Variants in RASA2 observed in about 807,000 individuals in gnomAD.
The protein encoded by RASA2 is RAS p21 protein activator 2.
A neutral mutation model predicts 118.2 loss-of-function variants in RASA2; 155 were observed. The ratio of observed to expected loss-of-function variants is 1.31; its 90% CI spans 1.15 to 1.50. The LOEUF is 1.50. RASA2 is among the 40% of genes most tolerant of loss of function. RASA2 has a pLI of 0.00. For synonymous variants in RASA2, 353 were observed against 349.1 expected, an observed-to-expected ratio of 1.01 and a Z score of -0.12; for missense variants, 1,016 against 1,009.6, an observed-to-expected ratio of 1.01 and a Z score of -0.09.
chr3:141,600,269 A>G, intron 19 of RASA2: 1 of 535,540 alleles, frequency 1.9e-6, no homozygotes, highest in South Asian at 1.4e-5. Context: ...GTATGTATTT[A>G]GTTTTCAGCC....
chr3:141,610,361 A>ATTATATATTTATAT (rs1173012419), intron 23 of RASA2, among the ~76,000 whole-genome samples: 1 of 121,488 alleles, frequency 8.2e-6, no homozygotes, highest in East Asian at 2.3e-4. Flanking sequence ...ATATTTATAT[A>ATTATATATTTATAT]TTATATATTT....
intron 22 of RASA2, 139 bp from the exon 23 acceptor site, chr3:141,609,738 G>A (rs1442324136): frequency 1.3e-5 from 10 of 795,480 alleles, no homozygotes; most frequent in African/African-American, 1.3e-4. Context: ...TAAATAAAAT[G>A]TATATATTTT....
chr3:141,543,879 T>TTC (rs1553789640), intron 5 of RASA2, among the ~76,000 whole-genome samples: 3 of 130,642 alleles, frequency 2.3e-5, no homozygotes, highest in Non-Finnish European at 4.6e-5. Context: ...CTTTTTTCTT[T>TTC]TTTTTTTTTT....
intron 19 of RASA2, among the ~76,000 whole-genome samples, chr3:141,587,805 A>C (rs1310652680): frequency 6.6e-6 from 1 of 152,020 alleles, no homozygotes; most frequent in Non-Finnish European, 1.5e-5. Flanking sequence ...ATGACAGATC[A>C]CATCTATATA....
intron 1 of RASA2, among the ~76,000 whole-genome samples, chr3:141,498,848 G>C (rs1420943820): frequency 1.3e-5 from 2 of 152,108 alleles, no homozygotes; most frequent in Admixed American, 1.3e-4. Flanking sequence ...GCTTCTTGTA[G>C]CTATAGGTAC....
At chr3:141,526,893 G>A (rs911119261) in intron 3 of RASA2, among the ~76,000 whole-genome samples, 2 of 152,210 alleles carry the variant, frequency 1.3e-5, no homozygotes, top group Admixed American at 6.5e-5. Flanking sequence ...CAGAATAGGA[G>A]GAAGAGGCTG....
intron 4 of RASA2, among the ~76,000 whole-genome samples, chr3:141,535,975 C>T (rs1577698073): frequency 2.0e-5 from 3 of 152,268 alleles, no homozygotes; most frequent in African/African-American, 7.2e-5. Flanking sequence ...ACAGTATCTT[C>T]TATATGGTAC....
chr3:141,488,733 G>A (rs11917587), intron 1 of RASA2, among the ~76,000 whole-genome samples: 81,544 of 151,888 alleles, frequency 0.54, 24,427 homozygotes, highest in African/African-American at 0.83. Flanking sequence ...GGAAAATTTT[G>A]TTTTCAACTT....
rs189081033 is a variant in RASA2 at position 141,520,848 on chromosome 3, T to C, written c.355+4417T>C. ...GGTTAGAGGCAGGAAGACCAACAGG[T>C]ATGCTGTTTTCAAATGAAATGAGTT... On this transcript the variant is annotated intron_variant, in intron 3 of 23. Coordinates refer to ENST00000286364, the MANE Select transcript of RASA2 (RefSeq NM_006506.5). Among the ~76,000 whole-genome samples the C allele has an allele frequency of 1.3e-3, 197 of 152,272 alleles. 1 individual carries two copies. Among genetic ancestry groups the C allele is most frequent in the South Asian group, 4.1e-4 (2 of 4,828 alleles).
intron 1 of RASA2, among the ~76,000 whole-genome samples, chr3:141,509,519 A>G (rs1277451135): frequency 1.3e-5 from 2 of 152,236 alleles, no homozygotes; most frequent in African/African-American, 2.4e-5. Context: ...GAGCATATTT[A>G]TTAAGTAGAA....
At chr3:141,533,334 T>C (rs935165179) in intron 4 of RASA2, among the ~76,000 whole-genome samples, 2 of 152,204 alleles carry the variant, frequency 1.3e-5, no homozygotes, top group African/African-American at 4.8e-5. Flanking sequence ...AGGAAATGAA[T>C]GGCATTGCTA....
chr3:141,549,484 C>CGTGTGTGTGTGTGTGTGTGT (rs56036122), intron 5 of RASA2, among the ~76,000 whole-genome samples: 1 of 145,212 alleles, frequency 6.9e-6, no homozygotes, highest in Admixed American at 6.8e-5. Flanking sequence ...TGTGTGTGTG[C>CGTGTGTGTGTGTGTGTGTGT]GTGTGTGTGT....
At chr3:141,589,679 A>C (rs1182427958) in intron 19 of RASA2, among the ~76,000 whole-genome samples, 1 of 152,072 alleles carries the variant, frequency 6.6e-6, no homozygotes, top group Admixed American at 6.5e-5. Flanking sequence ...CATGTCTACC[A>C]AAAATACAAA....
At chr3:141,586,139 T>C in intron 18 of RASA2, 41 bp downstream of exon 18, 1 of 1,513,186 alleles carries the variant, frequency 6.6e-7, no homozygotes, top group South Asian at 1.2e-5. Flanking sequence ...TATATCAGTA[T>C]AGATATTAAG....
Position 141,581,090 on chromosome 3 carries a change from T to C in RASA2, c.1675-10T>C. 6.6e-7 allele frequency: 1 copy of C among 1,518,364 alleles called. No individual in the cohort carries two copies. The highest frequency in any genetic ancestry group is 8.8e-7 in the Non-Finnish European group (1 of 1,141,536). 94.1% of individuals were successfully genotyped at this position (1,518,364 alleles called of 1,614,324 possible). ...TAACACATATAAACCCTGTGTTTGT[T>C]TTTTCTTAGTCAAGTTTCAAAGAGA... is the stretch of plus-strand genomic sequence containing the variant. On this transcript the variant is annotated splice_polypyrimidine_tract_variant and intron_variant, in intron 16 of 23. Transcript: ENST00000286364.
At chr3:141,565,145 C>G (rs1302558663) in intron 9 of RASA2, among the ~76,000 whole-genome samples, 1 of 152,138 alleles carries the variant, frequency 6.6e-6, no homozygotes, top group Non-Finnish European at 1.5e-5. Flanking sequence ...GCCACCATGC[C>G]TGGCTAATTT....
At chr3:141,580,085 A>AAAATATATAT (rs1553797703) in intron 15 of RASA2, among the ~76,000 whole-genome samples, 15 of 59,592 alleles carry the variant, frequency 2.5e-4, no homozygotes, top group East Asian at 7.9e-4. Flanking sequence ...AAAAAAAAAA[A>AAAATATATAT]ATATATATAT....
intron 19 of RASA2, among the ~76,000 whole-genome samples, chr3:141,599,761 G>A (rs1289886580): frequency 1.3e-5 from 2 of 152,034 alleles, no homozygotes; most frequent in African/African-American, 2.4e-5. Flanking sequence ...TGGCAAGTGC[G>A]TTTTCATTCA....
chr3:141,609,758 G>C (rs539458643), intron 22 of RASA2, 119 bp from the exon 23 acceptor site: 61 of 957,366 alleles, frequency 6.4e-5, no homozygotes, highest in Non-Finnish European at 1.7e-5. Flanking sequence ...TAGTTATCTC[G>C]GCTCTGCCAA....
Sources: allele counts gnomAD v4.1 joint callset (sites outside exome capture counted in the v4.1 genomes callset), GRCh38; gene constraint gnomAD v4.1.1; transcripts MANE v1.5; gene names NCBI Gene and HGNC (gene_info 2026-07-23, HGNC 2026-07-21).